The following ARL3 variants were observed in gnomAD, a reference collection of about 807,000 sequenced individuals.
The protein encoded by ARL3 is ARF like GTPase 3, also known as ADP-ribosylation factor-like protein 3.
A neutral mutation model predicts 26.0 loss-of-function variants in ARL3; 9 were observed. The observed-to-expected ratio is 0.35, with a 90% CI of 0.21 to 0.60. The LOEUF is 0.60. Ranked by LOEUF, ARL3 falls within the 20% of genes least tolerant of loss-of-function variation. The pLI, the probability that ARL3 is intolerant of heterozygous loss-of-function variation, is 0.78. For missense variants in ARL3, 158 were observed against 215.7 expected (o/e 0.73, Z 1.67); for synonymous variants, 71 against 78.4 (o/e 0.91, Z 0.50).
At chr10:102,691,699 C>T (rs769520131) in intron 3 of ARL3, among the ~76,000 whole-genome samples, 12 of 152,150 alleles carry the variant, frequency 7.9e-5, no homozygotes, top group Non-Finnish European at 1.2e-4. Context: ...GATTTGATTA[C>T]GGTACTCTAG....
intron 1 of ARL3, among the ~76,000 whole-genome samples, chr10:102,707,534 G>T (rs913820228): frequency 1.3e-5 from 2 of 152,132 alleles, no homozygotes; most frequent in African/African-American, 4.8e-5. Context: ...CTGAGTCTTA[G>T]AATTATGCAA....
Position 102,690,371 on chromosome 10 carries a change from G to A in ARL3, c.265-428C>T, listed in dbSNP as rs114117140. Among the ~76,000 whole-genome samples, 621 of 147,010 alleles carry A rather than the reference G, an allele frequency of 4.2e-3. 3 individuals are homozygous for A. Among genetic ancestry groups the A allele is most frequent in the African/African-American group, 0.015 (583 of 39,506 alleles). ...GGCTGGAGTGCAGTGGCATGATTTC[G>A]GCTCTGGGTTCACCCCATTCTCCTG... On this transcript the variant is annotated intron_variant, in intron 3 of 5. Transcript: ENST00000260746.
chr10:102,710,290 G>A (rs751985311), intron 1 of ARL3, among the ~76,000 whole-genome samples: 4 of 152,182 alleles, frequency 2.6e-5, no homozygotes, highest in Non-Finnish European at 4.4e-5. Context: ...AACTACTGAG[G>A]ATGGGATCAC....
At chr10:102,682,145 T>A (rs889968931) in intron 5 of ARL3, among the ~76,000 whole-genome samples, 2 of 152,148 alleles carry the variant, frequency 1.3e-5, no homozygotes, top group African/African-American at 4.8e-5. Flanking sequence ...GCTTCGGTTC[T>A]CCCTCCCAGA....
intron 1 of ARL3, among the ~76,000 whole-genome samples, chr10:102,706,927 C>T (rs969490932): frequency 6.6e-6 from 1 of 152,098 alleles, no homozygotes; most frequent in Non-Finnish European, 1.5e-5. Context: ...CCACCTTGGC[C>T]TCCCAAAGTG....
At chr10:102,692,244 A>G (rs546295233) in intron 3 of ARL3, among the ~76,000 whole-genome samples, 1 of 152,212 alleles carries the variant, frequency 6.6e-6, no homozygotes, top group Non-Finnish European at 1.5e-5. Flanking sequence ...CTCCTTATGG[A>G]GACTTACAAT....
intron 3 of ARL3, among the ~76,000 whole-genome samples, chr10:102,690,913 G>C (rs147432784): frequency 1.4e-5 from 2 of 147,640 alleles, no homozygotes; most frequent in Non-Finnish European, 3.0e-5. Context: ...TTGAGATGGG[G>C]TCTTGCTATG....
At chr10:102,708,889 T>C (rs1478804295) in intron 1 of ARL3, among the ~76,000 whole-genome samples, 1 of 106,060 alleles carries the variant, frequency 9.4e-6, no homozygotes, top group African/African-American at 3.5e-5. Context: ...CCATATATTA[T>C]ATATATATAT....
At chr10:102,704,125 T>TGGGAA (rs1438177312) in intron 2 of ARL3, among the ~76,000 whole-genome samples, 2 of 109,754 alleles carry the variant, frequency 1.8e-5, no homozygotes, top group Admixed American at 2.9e-4. Context: ...CATTCCAGCC[T>TGGGAA]GGGAAACAGA....
intron 5 of ARL3, among the ~76,000 whole-genome samples, chr10:102,677,338 T>C (rs2064135355): frequency 6.6e-6 from 1 of 152,224 alleles, no homozygotes; most frequent in Non-Finnish European, 1.5e-5. Flanking sequence ...AGCCACCCTT[T>C]TGGTGCCCCA....
Position 102,675,862 on chromosome 10 carries a change from G to C in ARL3, c.*1032C>G, listed in dbSNP as rs976890447. 2 of 152,540 alleles carry C rather than the reference G, an allele frequency of 1.3e-5. No individual in the cohort carries two copies. The highest frequency in any genetic ancestry group is 6.5e-5 in the Admixed American group (1 of 15,272). 9.4% of individuals were successfully genotyped at this position (152,540 alleles called of 1,614,324 possible). On this transcript the variant is annotated 3_prime_UTR_variant, in exon 6 of 6. Transcript: ENST00000260746. The stretch of plus-strand genomic sequence containing the variant: ...TAAAAATTGATCTAAAAATCGATCT[G>C]CCTGGCTTTTCTCAGTGGAGCAGGT...
chr10:102,694,046 G>C (rs1309288680), intron 3 of ARL3, among the ~76,000 whole-genome samples: 1 of 152,132 alleles, frequency 6.6e-6, no homozygotes, highest in Non-Finnish European at 1.5e-5. Flanking sequence ...GGAGTGCAGT[G>C]GTGTGATCTC....
intron 3 of ARL3, among the ~76,000 whole-genome samples, chr10:102,697,503 T>C (rs1343303656): frequency 6.6e-6 from 1 of 152,200 alleles, no homozygotes; most frequent in East Asian, 1.9e-4. Flanking sequence ...AAGGGACCAC[T>C]ATCATTTATG....
At chr10:102,690,991 G>A (rs1269091142) in intron 3 of ARL3, among the ~76,000 whole-genome samples, 1 of 151,192 alleles carries the variant, frequency 6.6e-6, no homozygotes, top group Non-Finnish European at 1.5e-5. Flanking sequence ...GAGTAGTTGA[G>A]ATTACAGGCA....
chr10:102,714,215 TG>T, intron 1 of ARL3, 57 bp downstream of exon 1: 1 of 1,312,624 alleles, frequency 7.6e-7, no homozygotes, highest in Non-Finnish European at 9.8e-7. Context: ...GCCCTGGGCC[TG>T]GGGACGGGAG....
intron 5 of ARL3, among the ~76,000 whole-genome samples, chr10:102,684,741 C>A (rs1261420707): frequency 6.6e-6 from 1 of 151,066 alleles, no homozygotes; most frequent in Non-Finnish European, 1.5e-5. Flanking sequence ...CAGCTTCAAG[C>A]AATTCTGCTG....
At chr10:102,691,167 A>G (rs1451199483) in intron 3 of ARL3, among the ~76,000 whole-genome samples, 1 of 152,006 alleles carries the variant, frequency 6.6e-6, no homozygotes, top group Non-Finnish European at 1.5e-5. Context: ...ACATGTGCAC[A>G]CTGTGCAGGT....
intron 4 of ARL3, among the ~76,000 whole-genome samples, chr10:102,688,358 G>T (rs2064198516): frequency 6.6e-6 from 1 of 152,100 alleles, no homozygotes; most frequent in Non-Finnish European, 1.5e-5. Context: ...AAGGGTGGTG[G>T]GTTGTTTCCA....
chr10:102,698,569 G>C (rs2064262059), intron 3 of ARL3, among the ~76,000 whole-genome samples: 1 of 152,166 alleles, frequency 6.6e-6, no homozygotes, highest in South Asian at 2.1e-4. Context: ...CTGAGGTAGA[G>C]TAGATGACAA....
Sources: gnomAD v4.1 joint callset for allele counts (sites outside exome capture counted in the v4.1 genomes callset) on GRCh38, gnomAD v4.1.1 for gene constraint, MANE v1.5 for transcripts, NCBI Gene and HGNC (gene_info 2026-07-23, HGNC 2026-07-21) for gene names.